CADPS: variants seen among roughly 807,000 people sequenced by gnomAD.
The protein encoded by CADPS is calcium dependent secretion activator.
A neutral mutation model predicts 167.3 loss-of-function variants in CADPS; 57 were observed. That is an observed-to-expected ratio of 0.34 (90% CI 0.28 to 0.42). The LOEUF is 0.42. Among genes scored for constraint, CADPS ranks in the 20% least tolerant of loss-of-function variants. The probability of loss-of-function intolerance (pLI) is 1.00; values close to 1 mark genes in which losing one functional copy is unlikely to be tolerated. For missense variants in CADPS, 1,414 were observed against 1,738.1 expected, an observed-to-expected ratio of 0.81 and a Z score of 3.32; for synonymous variants, 676 against 635.3, an observed-to-expected ratio of 1.06 and a Z score of -0.96.
intron 3 of CADPS, among the ~76,000 whole-genome samples, chr3:62,699,132 G>A (rs57678436): frequency 0.47 from 70,918 of 151,588 alleles, 17,748 homozygotes; most frequent in East Asian, 0.86. Flanking sequence ...ACCCTATCCC[G>A]AGTCCCCAAA....
chr3:62,730,453 C>T (rs545331652), intron 3 of CADPS, among the ~76,000 whole-genome samples: 1 of 152,298 alleles, frequency 6.6e-6, no homozygotes, highest in South Asian at 2.1e-4. Flanking sequence ...CTCCTCTCAG[C>T]CCCTCATACT....
intron 1 of CADPS, among the ~76,000 whole-genome samples, chr3:62,826,605 C>T (rs1050850906): frequency 6.6e-6 from 1 of 152,102 alleles, no homozygotes; most frequent in African/African-American, 2.4e-5. Flanking sequence ...AAATATCATC[C>T]TTGATGGGTC....
chr3:62,658,397 G>A (rs527422384), intron 4 of CADPS, among the ~76,000 whole-genome samples: 1 of 152,132 alleles, frequency 6.6e-6, no homozygotes, highest in African/African-American at 2.4e-5. Context: ...TCCTTGGATT[G>A]GTATGAGGGG....
At chr3:62,418,766 T>A (rs965013527) in intron 28 of CADPS, among the ~76,000 whole-genome samples, 4 of 152,074 alleles carry the variant, frequency 2.6e-5, no homozygotes, top group Non-Finnish European at 4.4e-5. Flanking sequence ...AAAATATACC[T>A]TCCCCCCTCT....
chr3:62,585,305 G>A lies in CADPS; in HGVS notation c.1457C>T (p.Pro486Leu), dbSNP rs140246088. ...CCACTCTGACTGTTTGGGGCTGTTC[G>A]GGGTGGGATGGAGAATAACCTGTAG... Reference protein sequence around the residue: ...ELGRVILHPTPNSPKQSEWHK... With the variant: ...ELGRVILHPTLNSPKQSEWHK... The change falls in exon 8 of 30, where the codon CCG becomes CTG. Residue 486 changes from proline (P) to leucine (L), a missense_variant. Physicochemically the swap from Pro to Leu is moderately conservative, Grantham distance 98 (BLOSUM62 -3). Coordinates refer to ENST00000383710, the MANE Select transcript of CADPS (RefSeq NM_003716.4). The A allele has an allele frequency of 2.0e-5, 33 of 1,610,098 alleles. No individual in the cohort carries two copies. Among genetic ancestry groups the A allele is most frequent in the South Asian group, 4.4e-5 (4 of 90,570 alleles).
At chr3:62,698,537 ACTCAGGGCTCGT>A (rs1171005687) in intron 3 of CADPS, among the ~76,000 whole-genome samples, 1 of 151,948 alleles carries the variant, frequency 6.6e-6, no homozygotes, top group African/African-American at 2.4e-5. Flanking sequence ...TGTGGGTGTG[ACTCAGGGCTCGT>A]CTTTTGCCCT....
intron 3 of CADPS, among the ~76,000 whole-genome samples, chr3:62,739,282 C>CT (rs1460744233): frequency 2.0e-5 from 3 of 152,126 alleles, no homozygotes; most frequent in Non-Finnish European, 2.9e-5. Context: ...GTCATCTGGC[C>CT]TTCTAATAGA....
chr3:62,829,787 T>C (rs149835719), intron 1 of CADPS, among the ~76,000 whole-genome samples: 1 of 152,292 alleles, frequency 6.6e-6, no homozygotes, highest in Non-Finnish European at 1.5e-5. Flanking sequence ...AGCCATCACT[T>C]TGATACAGAG....
chr3:62,671,970 C>T (rs1440918945), intron 3 of CADPS, among the ~76,000 whole-genome samples: 4 of 151,926 alleles, frequency 2.6e-5, no homozygotes, highest in East Asian at 1.9e-4. Flanking sequence ...TTAGTAGAGA[C>T]GGGGTTTCAC....
At chr3:62,864,544 A>C (rs898175932) in intron 1 of CADPS, among the ~76,000 whole-genome samples, 3 of 152,128 alleles carry the variant, frequency 2.0e-5, no homozygotes, top group African/African-American at 4.8e-5. Flanking sequence ...ATTTGCTGAC[A>C]ATCTTTGGTG....
Position 62,659,452 on chromosome 3 carries a change from A to G in CADPS, c.969+2862T>C, listed in dbSNP as rs2150407042. ...ACTAAGCTGAGGGAAAAGCAGGTAC[A>G]TGGCTGAAGCTTAAGAATAATTACA... On this transcript the variant is annotated intron_variant, in intron 4 of 29. Transcript: ENST00000383710. Among the ~76,000 whole-genome samples the G allele has an allele frequency of 2.0e-5, 3 of 152,332 alleles. No individual in the cohort carries two copies. In the Middle Eastern group the frequency reaches 0.01, roughly 518 times the overall value.
chr3:62,761,995 G>T (rs1054044885), intron 2 of CADPS, among the ~76,000 whole-genome samples: 1 of 152,194 alleles, frequency 6.6e-6, no homozygotes, highest in Non-Finnish European at 1.5e-5. Flanking sequence ...GAACCATGGG[G>T]ACCTTGGTCT....
chr3:62,588,387 A>G (rs915973231), intron 7 of CADPS, among the ~76,000 whole-genome samples: 5 of 149,314 alleles, frequency 3.3e-5, no homozygotes, highest in African/African-American at 1.2e-4. Context: ...TTGTGAGGTT[A>G]AGGGTTTTTT....
At chr3:62,780,794 C>G (rs747066916) in intron 1 of CADPS, among the ~76,000 whole-genome samples, 3 of 152,126 alleles carry the variant, frequency 2.0e-5, no homozygotes, top group Non-Finnish European at 4.4e-5. Flanking sequence ...CTCTTTGAAC[C>G]AGCTTTTCCA....
At chr3:62,758,696 A>G (rs1178561366) in intron 2 of CADPS, among the ~76,000 whole-genome samples, 2 of 152,166 alleles carry the variant, frequency 1.3e-5, no homozygotes, top group African/African-American at 4.8e-5. Context: ...ACATCCATAA[A>G]TCCTCCCTGC....
At chr3:62,776,853 G>A (rs1445249661) in intron 1 of CADPS, among the ~76,000 whole-genome samples, 2 of 152,064 alleles carry the variant, frequency 1.3e-5, no homozygotes, top group Non-Finnish European at 2.9e-5. Context: ...GAGAAAAGGC[G>A]AGAGAGAGAT....
At chr3:62,491,521 A>G (rs766131979) in intron 20 of CADPS, 41 bp from the exon 21 acceptor site, 4 of 1,563,230 alleles carry the variant, frequency 2.6e-6, no homozygotes, top group African/African-American at 1.4e-5. Flanking sequence ...ACCCACAGCT[A>G]CTTTATCAAC....
intron 8 of CADPS, among the ~76,000 whole-genome samples, chr3:62,574,624 G>A (rs2081936470): frequency 6.6e-6 from 1 of 152,144 alleles, no homozygotes; most frequent in African/African-American, 2.4e-5. Flanking sequence ...TAAGAGGGAG[G>A]TTCAGCCAGG....
intron 2 of CADPS, among the ~76,000 whole-genome samples, chr3:62,764,048 G>A (rs778574979): frequency 6.6e-6 from 1 of 152,158 alleles, no homozygotes; most frequent in Admixed American, 6.5e-5. Flanking sequence ...TTTAATTTAT[G>A]CCATTAGTCA....
Sources: gnomAD v4.1 joint callset for allele counts (sites outside exome capture counted in the v4.1 genomes callset) on GRCh38, gnomAD v4.1.1 for gene constraint, MANE v1.5 for transcripts, NCBI Gene and HGNC (gene_info 2026-07-23, HGNC 2026-07-21) for gene names.